MRTFB: variants seen among roughly 807,000 people sequenced by gnomAD.
MRTFB encodes the protein myocardin-related transcription factor B.
MRTFB carries 29 observed loss-of-function variants against 104.2 expected under a neutral mutation model. The ratio of observed to expected loss-of-function variants is 0.28; its 90% CI spans 0.21 to 0.38. The LOEUF is 0.38. Ranked by LOEUF, MRTFB falls within the 10% of genes least tolerant of loss-of-function variation. MRTFB has a pLI of 1.00. For missense variants in MRTFB, 1,270 were observed against 1,341.6 expected (o/e 0.95, Z 0.83); for synonymous variants, 535 against 519.5 (o/e 1.03, Z -0.41).
intron 2 of MRTFB, among the ~76,000 whole-genome samples, chr16:14,136,224 A>G (rs191712582): frequency 6.6e-6 from 1 of 152,014 alleles, no homozygotes; most frequent in Non-Finnish European, 1.5e-5. Context: ...CAGTGAGCCA[A>G]GATTGTGCCA....
rs76049394 is a variant in MRTFB at position 14,251,032 on chromosome 16, T to A, written c.2404-830T>A. Among the ~76,000 whole-genome samples, 25 of 152,016 alleles carry A rather than the reference T, an allele frequency of 1.6e-4. No homozygotes were observed. The East Asian group carries it at 2.9e-3, about 18-fold the overall frequency. On this transcript the variant is annotated intron_variant, in intron 13 of 16. Coordinates refer to ENST00000571589, the MANE Select transcript of MRTFB (RefSeq NM_001308142.2). Reference sequence around the variant, plus strand: ...GTGGCTTTGACGCCTGGGAGCAAGGTTGGAAGTAGAGCAGTGGCTTGGGAT... The same window carrying A: ...GTGGCTTTGACGCCTGGGAGCAAGGATGGAAGTAGAGCAGTGGCTTGGGAT...
chr16:14,043,454 G>A, the MRTFB span, among the ~76,000 whole-genome samples: 1 of 151,860 alleles, frequency 6.6e-6, no homozygotes, highest in African/African-American at 2.4e-5. Flanking sequence ...CCTGTGTCTG[G>A]CATGCACTGT....
At position 14,140,640 on chromosome 16, in the gene MRTFB, G is replaced by C. The variant is rs371741620; in HGVS notation, c.34G>C (p.Glu12Gln). The C allele has an allele frequency of 1.9e-6, 3 of 1,614,100 alleles. No homozygotes were observed. The highest frequency in any genetic ancestry group is 1.7e-6 in the Non-Finnish European group (2 of 1,180,048). ...DHTGAIDTED[E>Q]VGPLAHLAPS... ...CACAGGGGCGATAGACACCGAGGATGAAGTGGGACCTTTAGCCCATCTTGC... is the reference window on the plus strand; with the variant it reads ...CACAGGGGCGATAGACACCGAGGATCAAGTGGGACCTTTAGCCCATCTTGC... Residue 12 changes from glutamate (E) to glutamine (Q), a missense_variant, in exon 3 of 17, where the codon GAA becomes CAA. Transcript: ENST00000571589.
the MRTFB span, among the ~76,000 whole-genome samples, chr16:14,029,440 A>ATT: frequency 1.2e-5 from 1 of 81,368 alleles, no homozygotes; most frequent in Non-Finnish European, 3.1e-5. Flanking sequence ...ATATATATAT[A>ATT]TATATACACA....
the MRTFB span, among the ~76,000 whole-genome samples, chr16:14,038,151 C>T: frequency 6.6e-6 from 1 of 152,148 alleles, no homozygotes; most frequent in South Asian, 2.1e-4. Context: ...TCTGAGGCCT[C>T]TGTCCTTGGT....
intron 3 of MRTFB, among the ~76,000 whole-genome samples, chr16:14,179,442 A>G (rs748540776): frequency 2.6e-5 from 4 of 152,202 alleles, no homozygotes; most frequent in Non-Finnish European, 4.4e-5. Flanking sequence ...CAGGTGATCA[A>G]GGAGATTTTT....
intron 3 of MRTFB, chr16:14,200,353 C>A: frequency 6.2e-7 from 1 of 1,607,858 alleles, no homozygotes; most frequent in Non-Finnish European, 8.5e-7. Context: ...GGCGTAGGGC[C>A]GCCATGTTGC....
At chr16:14,248,295 GGC>G (rs2151415951) in intron 12 of MRTFB, 1 of 152,412 alleles carries the variant, frequency 6.6e-6, no homozygotes, top group Admixed American at 6.5e-5. Flanking sequence ...ACCTGAAACA[GGC>G]GAGAGGAATC....
intron 3 of MRTFB, among the ~76,000 whole-genome samples, chr16:14,183,568 A>T (rs1181030585): frequency 6.6e-6 from 1 of 152,092 alleles, no homozygotes; most frequent in Non-Finnish European, 1.5e-5. Flanking sequence ...AGCAGTCATC[A>T]ATATCATCTT....
the MRTFB span, among the ~76,000 whole-genome samples, chr16:14,042,563 G>A: frequency 1.1e-4 from 16 of 152,320 alleles, no homozygotes; most frequent in Admixed American, 7.2e-4. Flanking sequence ...AGTTAAATCA[G>A]TTGTCCCAAA....
At chr16:14,083,819 C>T (rs755036059) in intron 2 of MRTFB, among the ~76,000 whole-genome samples, 16 of 152,138 alleles carry the variant, frequency 1.1e-4, no homozygotes, top group Non-Finnish European at 2.1e-4. Flanking sequence ...GGGACGAGTA[C>T]TGGAGAGTCT....
At chr16:14,012,593 C>T in the MRTFB span, among the ~76,000 whole-genome samples, 5 of 152,050 alleles carry the variant, frequency 3.3e-5, no homozygotes, top group Admixed American at 6.6e-5. Context: ...CCACCGCGCC[C>T]GGCTGACCTT....
the MRTFB span, among the ~76,000 whole-genome samples, chr16:14,043,596 C>G: frequency 6.6e-6 from 1 of 152,294 alleles, no homozygotes; most frequent in Non-Finnish European, 1.5e-5. Flanking sequence ...GCCAGGCAGT[C>G]TGGCAAAGAA....
chr16:14,071,608 C>T (rs1255933976), intron 1 of MRTFB, among the ~76,000 whole-genome samples: 2 of 151,984 alleles, frequency 1.3e-5, no homozygotes, highest in African/African-American at 4.8e-5. Context: ...GGCGCGACCC[C>T]GGGGCCGCCT....
chr16:14,190,721 G>T (rs1307439943), intron 3 of MRTFB, among the ~76,000 whole-genome samples: 1 of 152,230 alleles, frequency 6.6e-6, no homozygotes. Flanking sequence ...CATTCAAAGT[G>T]CATTTCTTGC....
At chr16:14,061,613 C>T in the MRTFB span, among the ~76,000 whole-genome samples, 1 of 130,628 alleles carries the variant, frequency 7.7e-6, no homozygotes, top group Admixed American at 8.9e-5. Flanking sequence ...TAGTGCAGGG[C>T]ACTCAATCTA....
the MRTFB span, among the ~76,000 whole-genome samples, chr16:14,041,666 C>T: frequency 6.6e-6 from 1 of 152,114 alleles, no homozygotes; most frequent in East Asian, 1.9e-4. Context: ...GTGGCTGACA[C>T]CTGTAATCCC....
chr16:14,210,286 A>G lies in MRTFB; in HGVS notation c.198A>G (p.Leu66=). 1.2e-6 allele frequency: 2 copies of G among 1,613,342 alleles called. No homozygotes were observed. The highest frequency in any genetic ancestry group is 1.7e-6 in the Non-Finnish European group (2 of 1,179,556). The change falls in exon 4 of 17, where the codon CTA becomes CTG. Residue 66 remains leucine, a synonymous_variant. Coordinates refer to ENST00000571589, the MANE Select transcript of MRTFB (RefSeq NM_001308142.2). ...AACAAAGGAGGACGAGAGAACAACT[A>G]GTGGACCAGGGCATCATGCCACGTA... ...RLQQRRTREQ[L]VDQGIMPPLK...
chr16:14,186,578 T>G, intron 3 of MRTFB: 1 of 444,056 alleles, frequency 2.3e-6, no homozygotes. Flanking sequence ...AACTGCAGAC[T>G]GAAGTCCCCA....
Sources: allele counts gnomAD v4.1 joint callset (sites outside exome capture counted in the v4.1 genomes callset), GRCh38; gene constraint gnomAD v4.1.1; transcripts MANE v1.5; gene names NCBI Gene and HGNC (gene_info 2026-07-23, HGNC 2026-07-21).